Variants in CSMD2 observed in about 807,000 individuals in gnomAD.
CSMD2 encodes CUB and sushi domain-containing protein 2.
A neutral mutation model predicts 398.5 loss-of-function variants in CSMD2; 130 were observed. That is an observed-to-expected ratio of 0.33 (90% CI 0.28 to 0.38). The LOEUF is 0.38. Among genes scored for constraint, CSMD2 ranks in the 10% least tolerant of loss-of-function variants. The pLI, the probability that CSMD2 is intolerant of heterozygous loss-of-function variation, is 1.00. For missense variants in CSMD2, 3,829 were observed against 4,764.9 expected (o/e 0.80, Z 5.78); for synonymous variants, 1,828 against 1,908.5 (o/e 0.96, Z 1.10).
rs560061017 is a variant in CSMD2, at chr1:33,623,644, G to A, written c.5626-178C>T. ...ATGCAGAACCGACTCCAAGGAGCTC[G>A]TTGTCCAGTGGGGAAGACAGATGTG... On this transcript the variant is annotated intron_variant, in intron 35 of 70. Coordinates refer to ENST00000373381, the MANE Select transcript of CSMD2 (RefSeq NM_001281956.2). Among the ~76,000 whole-genome samples, 38 of 152,324 alleles carry A rather than the reference G, an allele frequency of 2.5e-4. 1 individual carries two copies. Among genetic ancestry groups the A allele is most frequent in the East Asian group, 1.3e-3 (7 of 5,188 alleles).
chr1:34,129,433 C>T (rs1252544066), intron 1 of CSMD2, among the ~76,000 whole-genome samples: 4 of 152,242 alleles, frequency 2.6e-5, no homozygotes, highest in South Asian at 2.1e-4. Context: ...AGGCAGATCA[C>T]GAGGTCAGGA....
chr1:33,714,158 T>C (rs72662081), intron 21 of CSMD2, among the ~76,000 whole-genome samples: 8,405 of 152,234 alleles, frequency 0.055, 290 homozygotes, highest in East Asian at 0.11. Context: ...AAAGCACCCA[T>C]CTACTCCTCC....
intron 1 of CSMD2, among the ~76,000 whole-genome samples, chr1:34,140,810 C>T (rs1639221791): frequency 6.6e-6 from 1 of 152,146 alleles, no homozygotes; most frequent in East Asian, 1.9e-4. Context: ...TCATACCCTC[C>T]TCCCAGGGTG....
intron 1 of CSMD2, among the ~76,000 whole-genome samples, chr1:34,109,989 C>T (rs1409271614): frequency 7.7e-6 from 1 of 130,098 alleles, no homozygotes; most frequent in Non-Finnish European, 1.5e-5. Flanking sequence ...TGCAGTGAAC[C>T]GAGATGGCGC....
intron 3 of CSMD2, among the ~76,000 whole-genome samples, chr1:34,004,825 C>A (rs1570780897): frequency 6.7e-6 from 1 of 149,890 alleles, no homozygotes; most frequent in East Asian, 2.3e-4. Flanking sequence ...ATTTCCAACT[C>A]TCTCCTACAT....
intron 1 of CSMD2, among the ~76,000 whole-genome samples, chr1:34,114,877 T>A (rs1469402267): frequency 2.0e-5 from 3 of 151,940 alleles, no homozygotes; most frequent in African/African-American, 7.3e-5. Flanking sequence ...ATGAACAAAA[T>A]GACAATATCA....
At chr1:33,795,637 G>C (rs1360167760) in intron 10 of CSMD2, among the ~76,000 whole-genome samples, 1 of 152,192 alleles carries the variant, frequency 6.6e-6, no homozygotes, top group Non-Finnish European at 1.5e-5. Context: ...AGTTCTCTCT[G>C]ACTAACCTTG....
Position 33,567,752 on chromosome 1 carries a change from T to A in CSMD2, c.8221A>T (p.Thr2741Ser), listed in dbSNP as rs146745031. 207 of 1,613,626 alleles carry A rather than the reference T, an allele frequency of 1.3e-4. No homozygotes were observed. Among genetic ancestry groups the A allele is most frequent in the Middle Eastern group, 1.6e-4 (1 of 6,084 alleles). The change falls in exon 53 of 71, where the codon ACT (threonine) becomes TCT (serine). Residue 2741 changes from threonine (T) to serine (S), a missense_variant. Around this residue, in one of 5 missense-constraint regions of CSMD2, gnomAD observed 917 missense variants for 1,199.5 expected, o/e 0.76. Coordinates refer to ENST00000373381, the MANE Select transcript of CSMD2 (RefSeq NM_001281956.2). ...PSLTKAGHCG[T>S]PEPIVNGHIN... ...TGTCCGTTGACAATGGGCTCAGGAGTCCCACAGTGTCCAGCTTTGGTGAGG... is the reference window on the plus strand; with the variant it reads ...TGTCCGTTGACAATGGGCTCAGGAGACCCACAGTGTCCAGCTTTGGTGAGG...
intron 1 of CSMD2, among the ~76,000 whole-genome samples, chr1:34,095,608 A>G (rs1659193832): frequency 6.6e-6 from 1 of 152,046 alleles, no homozygotes; most frequent in Admixed American, 6.5e-5. Context: ...AATGCAAACT[A>G]CCATCAGAGA....
intron 1 of CSMD2, among the ~76,000 whole-genome samples, chr1:34,149,532 TC>T (rs754024009): frequency 3.3e-5 from 5 of 152,158 alleles, no homozygotes; most frequent in Non-Finnish European, 5.9e-5. Flanking sequence ...AGGATAAGAC[TC>T]CCCTGAGTGT....
Position 33,559,326 on chromosome 1 carries a change from C to T in CSMD2, c.8528G>A (p.Trp2843Ter). ...TCTGCAGGTGGGCAGCATGTCACTC[C>T]ATTGCCCGCTGGCCAGGCATTGGGA... ...ARSQCLASGQ[W>*]SDMLPTCRII... The change falls in exon 54 of 71, where the codon TGG becomes TAG. Residue 2843 changes from tryptophan (W) to a stop codon, truncating the protein, a stop_gained. Coordinates refer to ENST00000373381, the MANE Select transcript of CSMD2 (RefSeq NM_001281956.2). LOFTEE classifies it high-confidence loss of function. This position sits in a 1 kb window ranked among gnomAD's most constrained non-coding sequence, Gnocchi z 4.0. 6.5e-7 allele frequency: 1 copy of T among 1,535,654 alleles called. No homozygotes were observed.
chr1:34,110,846 A>G (rs1343251220), intron 1 of CSMD2, among the ~76,000 whole-genome samples: 2 of 152,172 alleles, frequency 1.3e-5, no homozygotes, highest in African/African-American at 4.8e-5. Context: ...CCCCCATGAC[A>G]TGGGTTGACT....
chr1:33,575,755 T>A (rs1660014744), intron 49 of CSMD2, among the ~76,000 whole-genome samples: 1 of 152,112 alleles, frequency 6.6e-6, no homozygotes, highest in South Asian at 2.1e-4. Context: ...CCATTTGCCA[T>A]TTGTGGACAG....
chr1:33,907,621 T>C (rs577786773), intron 5 of CSMD2, among the ~76,000 whole-genome samples: 231 of 152,288 alleles, frequency 1.5e-3, no homozygotes, highest in Non-Finnish European at 2.9e-3. Flanking sequence ...CCTCATTTTG[T>C]TCAAAGAAAC....
chr1:34,046,766 T>G (rs909225588), intron 2 of CSMD2, among the ~76,000 whole-genome samples: 1 of 152,228 alleles, frequency 6.6e-6, no homozygotes, highest in Admixed American at 6.5e-5. Flanking sequence ...GTATGCCCTA[T>G]TAAACGCTAT....
intron 1 of CSMD2, among the ~76,000 whole-genome samples, chr1:34,159,340 C>CA (rs1384082926): frequency 1.6e-5 from 2 of 124,142 alleles, no homozygotes; most frequent in Admixed American, 1.6e-4. Context: ...CCCCCCCCCA[C>CA]CCAGGAGCTT....
chr1:34,039,484 T>G (rs1476957578), intron 2 of CSMD2, among the ~76,000 whole-genome samples: 1 of 152,210 alleles, frequency 6.6e-6, no homozygotes, highest in African/African-American at 2.4e-5. Context: ...GCTACCACCA[T>G]GTTTTCACTT....
intron 68 of CSMD2, among the ~76,000 whole-genome samples, chr1:33,521,262 G>A (rs1161804567): frequency 5.3e-5 from 8 of 152,116 alleles, no homozygotes; most frequent in Non-Finnish European, 1.2e-4. Context: ...AAGGTTGAGT[G>A]GGTTATGCAC....
chr1:33,776,002 C>T (rs1569868562), intron 12 of CSMD2, among the ~76,000 whole-genome samples: 1 of 152,164 alleles, frequency 6.6e-6, no homozygotes, highest in Admixed American at 6.5e-5. Flanking sequence ...CACATTGATA[C>T]TGCCAGGATT....
Sources: gnomAD v4.1 joint callset for allele counts (sites outside exome capture counted in the v4.1 genomes callset) on GRCh38, gnomAD v4.1.1 for gene constraint, gnomAD v4.1.1 regional missense constraint, Gnocchi (gnomAD v3.1) non-coding constraint, MANE v1.5 for transcripts, NCBI Gene and HGNC (gene_info 2026-07-23, HGNC 2026-07-21) for gene names.